Variants in MYO3B observed in about 807,000 individuals in gnomAD.
MYO3B encodes myosin IIIB.
Under a neutral mutation model 174.6 loss-of-function variants are expected in MYO3B, and 156 were observed. The ratio of observed to expected loss-of-function variants is 0.89; its 90% CI spans 0.78 to 1.02. The LOEUF (loss-of-function observed/expected upper bound fraction) is 1.02, where lower values mean the gene tolerates loss of function less well. MYO3B is among the 50% of genes least tolerant of loss of function. MYO3B has a pLI of 0.00. For synonymous variants in MYO3B, 563 were observed against 569.1 expected (o/e 0.99, Z 0.15); for missense variants, 1,632 against 1,639.4 (o/e 1.00, Z 0.08).
At chr2:170,407,602 GT>G in intron 21 of MYO3B, 112 bp from the exon 22 acceptor site, 25 of 1,210,040 alleles carry the variant, frequency 2.1e-5, no homozygotes, top group Non-Finnish European at 2.6e-5. Flanking sequence ...TGAAAGCTAT[GT>G]AAAGATGAGT....
At chr2:170,447,880 A>T (rs1683325626) in intron 23 of MYO3B, among the ~76,000 whole-genome samples, 1 of 152,172 alleles carries the variant, frequency 6.6e-6, no homozygotes, top group South Asian at 2.1e-4. Flanking sequence ...AGGGAGTTGA[A>T]GCTGTCCTCT....
At chr2:170,544,976 G>A (rs1473952480) in intron 32 of MYO3B, among the ~76,000 whole-genome samples, 3 of 152,148 alleles carry the variant, frequency 2.0e-5, no homozygotes, top group East Asian at 1.9e-4. Context: ...TTCATTATGC[G>A]AGAGTTTGGT....
chr2:170,257,193 A>C (rs2093311811), intron 7 of MYO3B, among the ~76,000 whole-genome samples: 1 of 151,978 alleles, frequency 6.6e-6, no homozygotes, highest in African/African-American at 2.4e-5. Context: ...TCAAGGCAAA[A>C]AACTAAGAAA....
At chr2:170,408,927 G>T (rs1169289646) in intron 22 of MYO3B, among the ~76,000 whole-genome samples, 1 of 152,114 alleles carries the variant, frequency 6.6e-6, no homozygotes, top group Non-Finnish European at 1.5e-5. Context: ...GAGCAGCCGG[G>T]GTTTAATTCA....
At chr2:170,215,473 G>T (rs2092817649) in intron 5 of MYO3B, among the ~76,000 whole-genome samples, 4 of 152,010 alleles carry the variant, frequency 2.6e-5, no homozygotes, top group African/African-American at 9.7e-5. Context: ...TTTATTGAAG[G>T]TTTAGTCTTC....
At chr2:170,519,746 G>A (rs1033537723) in intron 30 of MYO3B, 28 of 452,354 alleles carry the variant, frequency 6.2e-5, no homozygotes, top group African/African-American at 4.2e-4. Context: ...GCCGAGGTGG[G>A]TGGATCACCT....
At chr2:170,571,732 G>C (rs114009761) in intron 32 of MYO3B, among the ~76,000 whole-genome samples, 124 of 152,256 alleles carry the variant, frequency 8.1e-4, no homozygotes, top group African/African-American at 2.9e-3. Flanking sequence ...GAGGATAAAA[G>C]TGGAGTATAT....
At chr2:170,598,494 A>G (rs1175774186) in intron 32 of MYO3B, among the ~76,000 whole-genome samples, 1 of 152,246 alleles carries the variant, frequency 6.6e-6, no homozygotes, top group Non-Finnish European at 1.5e-5. Context: ...TGAATCTCTC[A>G]GCCTTCCAGC....
At chr2:170,547,726 G>T (rs1690622498) in intron 32 of MYO3B, among the ~76,000 whole-genome samples, 2 of 152,126 alleles carry the variant, frequency 1.3e-5, no homozygotes, top group Admixed American at 6.5e-5. Flanking sequence ...CATGCACTTG[G>T]ATGTTGTGTC....
In MYO3B at chr2:170,237,785, GT is replaced by G. The variant is rs554565573; in HGVS notation, c.749+1652del. 1.6e-4 allele frequency among the ~76,000 whole-genome samples: 24 copies of G among 152,278 alleles called. No individual in the cohort carries two copies. In the South Asian group the frequency reaches 4.6e-3, roughly 29 times the overall value. On this transcript the variant is annotated intron_variant, in intron 7 of 34. Transcript: ENST00000408978. ...AGAAAAGGATCCTTATCCCAACTTA[GT>G]TTAAGGCTTTGTTTCTCTCCCCCTA...
intron 32 of MYO3B, chr2:170,647,059 G>A (rs1386327461): frequency 2.4e-5 from 11 of 459,480 alleles, no homozygotes; most frequent in Non-Finnish European, 4.3e-5. Context: ...TGTCACTAAC[G>A]TCTTCTTATA....
intron 28 of MYO3B, among the ~76,000 whole-genome samples, chr2:170,506,770 A>T (rs1687645257): frequency 6.6e-6 from 1 of 152,192 alleles, no homozygotes; most frequent in Non-Finnish European, 1.5e-5. Flanking sequence ...TGAAGGTAAA[A>T]ATGACTGTAG....
At chr2:170,300,057 G>C (rs1185469996) in intron 7 of MYO3B, among the ~76,000 whole-genome samples, 2 of 152,154 alleles carry the variant, frequency 1.3e-5, no homozygotes, top group African/African-American at 4.8e-5. Flanking sequence ...GTCTTGCTTT[G>C]TTTGATCCTC....
chr2:170,326,594 A>G (rs10930420), intron 7 of MYO3B, among the ~76,000 whole-genome samples: 60,624 of 152,138 alleles, frequency 0.4, 14,711 homozygotes, highest in East Asian at 0.62. Context: ...CATCATCTCT[A>G]TTGACATGGC....
Position 170,548,938 on chromosome 2 carries a change from C to T in MYO3B, c.3733+4950C>T, listed in dbSNP as rs200987013. 2.6e-5 allele frequency among the ~76,000 whole-genome samples: 4 copies of T among 152,286 alleles called. No homozygotes were observed. The East Asian group carries it at 7.7e-4, about 29-fold the overall frequency. On this transcript the variant is annotated intron_variant, in intron 32 of 34. Transcript: ENST00000408978. Reference sequence around the variant, plus strand: ...TAATGAGCTGACTTTTTGTGACATACTTTTCTTCTCCTTCTTCCTTTTTCA... The same window carrying T: ...TAATGAGCTGACTTTTTGTGACATATTTTTCTTCTCCTTCTTCCTTTTTCA...
intron 2 of MYO3B, 91 bp from the exon 3 acceptor site, chr2:170,200,059 T>A (rs6756347): frequency 0.38 from 476,421 of 1,242,494 alleles, 93,428 homozygotes; most frequent in African/African-American, 0.47. Context: ...ATAGTACATA[T>A]GTTTTACTAA....
chr2:170,326,773 G>A (rs1474596340), intron 7 of MYO3B, among the ~76,000 whole-genome samples: 2 of 152,216 alleles, frequency 1.3e-5, no homozygotes, highest in Admixed American at 1.3e-4. Context: ...ACATTTTGAG[G>A]TAGTGGTCAA....
intron 8 of MYO3B, among the ~76,000 whole-genome samples, chr2:170,356,155 G>C (rs1367500358): frequency 6.6e-6 from 1 of 151,760 alleles, no homozygotes; most frequent in African/African-American, 2.4e-5. Flanking sequence ...TGGAGACGGG[G>C]TTTCACCGTG....
chr2:170,460,962 AAACTT>A (rs1158672478), intron 23 of MYO3B, among the ~76,000 whole-genome samples: 1 of 152,248 alleles, frequency 6.6e-6, no homozygotes, highest in African/African-American at 2.4e-5. Flanking sequence ...TTTGGTCACT[AAACTT>A]AAATTCTCAA....
Sources: allele counts gnomAD v4.1 joint callset (sites outside exome capture counted in the v4.1 genomes callset), GRCh38; gene constraint gnomAD v4.1.1; transcripts MANE v1.5; gene names NCBI Gene and HGNC (gene_info 2026-07-23, HGNC 2026-07-21).